Variants in FBN3 observed in about 807,000 individuals in gnomAD.
The protein encoded by FBN3 is fibrillin-3.
In FBN3, 234 loss-of-function variants were observed where a neutral mutation model predicts 330.1. That is an observed-to-expected ratio of 0.71 (90% CI 0.64 to 0.79). FBN3 has a LOEUF of 0.79. Ranked by LOEUF, FBN3 falls within the 30% of genes least tolerant of loss-of-function variation. The probability of loss-of-function intolerance (pLI) is 0.00; values close to 1 mark genes in which losing one functional copy is unlikely to be tolerated. For synonymous variants in FBN3, 1,458 were observed against 1,517.3 expected (o/e 0.96, Z 0.91); for missense variants, 3,606 against 3,886.9 (o/e 0.93, Z 1.92).
At chr19:8,107,599 A>G (rs902590067) in intron 37 of FBN3, among the ~76,000 whole-genome samples, 8 of 145,880 alleles carry the variant, frequency 5.5e-5, no homozygotes, top group Non-Finnish European at 1.1e-4. Flanking sequence ...ATGAATGGAC[A>G]GAAAGATGGG....
At chr19:8,128,397 C>G (rs1405916082) in intron 18 of FBN3, among the ~76,000 whole-genome samples, 4 of 152,064 alleles carry the variant, frequency 2.6e-5, no homozygotes, top group African/African-American at 7.2e-5. Flanking sequence ...AACCCTGTCT[C>G]TACTAAAAAT....
chr19:8,097,139 A>C, intron 42 of FBN3, 133 bp from the exon 43 acceptor site: 1 of 1,469,156 alleles, frequency 6.8e-7, no homozygotes, highest in Non-Finnish European at 9.2e-7. Context: ...AAGGGTGGTT[A>C]TATGAGATGG....
At chr19:8,122,919 T>C (rs1599394363) in intron 24 of FBN3, among the ~76,000 whole-genome samples, 2 of 151,630 alleles carry the variant, frequency 1.3e-5, no homozygotes, top group South Asian at 4.2e-4. Flanking sequence ...CGCCTCAGCC[T>C]CCCAAAGTGC....
chr19:8,096,762 TCCCCCAC>T lies in FBN3; in HGVS notation c.5413+112_5413+118del. The T allele has an allele frequency of 2.3e-6, 3 of 1,331,440 alleles. No individual in the cohort carries two copies. The highest frequency in any genetic ancestry group is 3.1e-6 in the Non-Finnish European group (3 of 967,066). The allele number at this position is 1,331,440 out of a possible 1,614,324, so 82.5% of individuals were successfully genotyped here. On this transcript the variant is annotated intron_variant, in intron 43 of 63. Coordinates refer to ENST00000600128, the MANE Select transcript of FBN3 (RefSeq NM_032447.5). The surrounding 1 kb of genome is among the most constrained non-coding windows in gnomAD (Gnocchi z 4.6). Reference sequence around the variant, plus strand: ...CCTATTAACAGACACTCTCAATACATCCCCCACCCCCCTAATAGTATAGAAAAGGAGA... The same window carrying T: ...CCTATTAACAGACACTCTCAATACATCCCCCTAATAGTATAGAAAAGGAGA...
chr19:8,106,311 G>C (rs997098988), intron 37 of FBN3, 78 bp from the exon 38 acceptor site: 4 of 1,516,272 alleles, frequency 2.6e-6, no homozygotes, highest in African/African-American at 1.4e-5. Flanking sequence ...CCATGCTCTG[G>C]GTTCTCCAGG....
chr19:8,148,108 G>A (rs1694338224), intron 1 of FBN3, among the ~76,000 whole-genome samples: 1 of 151,924 alleles, frequency 6.6e-6, no homozygotes, highest in South Asian at 2.1e-4. Context: ...GTCGTGGAAG[G>A]CAACAACCCC....
chr19:8,136,465 C>T lies in FBN3; in HGVS notation c.1268G>A (p.Arg423His), dbSNP rs745839443. Residue 423 changes from arginine to histidine, a missense_variant, in exon 11 of 64, where the codon CGC (arginine) becomes CAC (histidine). Arg to His is a conservative substitution (Grantham distance 29). Coordinates refer to ENST00000600128, the MANE Select transcript of FBN3 (RefSeq NM_032447.5). ...GTAGCTGGAAGGCGTGGGCAGGCAG[C>T]GGCCATTCAGACACAGGTTGGTGAA... The part of the protein sequence containing the change: ...RHFTNLCLNG[R>H]CLPTPSSYRC... The T allele has an allele frequency of 5.0e-6, 8 of 1,614,056 alleles. No homozygotes were observed. The African/African-American group carries it at 8.0e-5, about 16-fold the overall frequency.
intron 53 of FBN3, among the ~76,000 whole-genome samples, chr19:8,087,598 ATTTTTTTTTTTTT>A (rs35631767): frequency 3.7e-4 from 28 of 75,464 alleles, no homozygotes; most frequent in Admixed American, 1.2e-3. Flanking sequence ...GCATTGCAGG[ATTTTTTTTTTTTT>A]TTTTTTTTTT....
chr19:8,115,602 G>A lies in FBN3; in HGVS notation c.3751C>T (p.His1251Tyr), dbSNP rs149073155. 285 of 1,614,098 alleles carry A rather than the reference G, an allele frequency of 1.8e-4. No homozygotes were observed. The African/African-American group carries it at 3.6e-3, about 21-fold the overall frequency. ...CCCTTCGTGTTCTCGCAGTCCCCAT[G>A]GAGGCAGATGTGAGGGTTCAGGTCA... Reference protein sequence around the residue: ...ECDLNPHICLHGDCENTKGSF... With the variant: ...ECDLNPHICLYGDCENTKGSF... The change falls in exon 30 of 64, where the codon CAT (histidine) becomes TAT (tyrosine). Residue 1251 changes from histidine to tyrosine, a missense_variant. Coordinates refer to ENST00000600128, the MANE Select transcript of FBN3 (RefSeq NM_032447.5).
Position 8,126,694 on chromosome 19 carries a change from G to T in FBN3, c.2416+19C>A. The T allele has an allele frequency of 6.3e-7, 1 of 1,580,952 alleles. No individual in the cohort carries two copies. ...GACGCCCAGCCTCTGGAACGCCGTCGGGCTCCGGGGCCGCTCACCTAGACA... is the reference window on the plus strand; with the variant it reads ...GACGCCCAGCCTCTGGAACGCCGTCTGGCTCCGGGGCCGCTCACCTAGACA... On this transcript the variant is annotated intron_variant, in intron 19 of 63. Coordinates refer to ENST00000600128, the MANE Select transcript of FBN3 (RefSeq NM_032447.5).
chr19:8,112,455 G>A (rs2082611015), intron 30 of FBN3, among the ~76,000 whole-genome samples: 1 of 150,760 alleles, frequency 6.6e-6, no homozygotes. Flanking sequence ...GACCATCCTG[G>A]CTAATGCGGT....
Position 8,109,248 on chromosome 19 carries a change from G to A in FBN3, c.4597C>T (p.Leu1533=), listed in dbSNP as rs752190419. 3.1e-6 allele frequency: 5 copies of A among 1,614,126 alleles called. No homozygotes were observed. Among genetic ancestry groups the A allele is most frequent in the Non-Finnish European group, 4.2e-6 (5 of 1,180,018 alleles). ...LGRAWGNPCE[L]CPMANTTEYR... ...TCACTGGTGTTGGCCATAGGGCACA[G>A]CTCACAGGGATTGCCCCAAGCCCGG... The change falls in exon 36 of 64, where the codon CTG becomes TTG. Residue 1533 remains leucine (L), a synonymous_variant. Transcript: ENST00000600128. This position sits in a 1 kb window ranked among gnomAD's most constrained non-coding sequence, Gnocchi z 5.2.
At chr19:8,120,318 C>T (rs915190476) in intron 25 of FBN3, among the ~76,000 whole-genome samples, 4 of 151,360 alleles carry the variant, frequency 2.6e-5, no homozygotes, top group South Asian at 2.1e-4. Context: ...TACAGGTGCA[C>T]GCCACCACAC....
At chr19:8,135,936 G>GGGGGGGGGGGGGGGGCGCCCCCCC in intron 13 of FBN3, 25 bp downstream of exon 13, 4 of 668,774 alleles carry the variant, frequency 6.0e-6, no homozygotes, top group Non-Finnish European at 7.2e-6. Flanking sequence ...GGAAGCCCCT[G>GGGGGGGGGGGGGGGGCGCCCCCCC]CCCACCCGCC....
chr19:8,136,949 C>G (rs2083297680), intron 10 of FBN3, among the ~76,000 whole-genome samples: 1 of 110,780 alleles, frequency 9.0e-6, no homozygotes, highest in Non-Finnish European at 1.9e-5. Flanking sequence ...AACCTGGGGT[C>G]TAGATACCTC....
At chr19:8,082,308 C>CCGCT (rs1555726859) in intron 57 of FBN3, among the ~76,000 whole-genome samples, 1 of 150,266 alleles carries the variant, frequency 6.7e-6, no homozygotes, top group Non-Finnish European at 1.5e-5. Flanking sequence ...TCTCTTTCTC[C>CCGCT]CTTTCTCTTT....
chr19:8,140,169 T>G (rs1367580135), intron 8 of FBN3, among the ~76,000 whole-genome samples: 1 of 152,092 alleles, frequency 6.6e-6, no homozygotes, highest in Non-Finnish European at 1.5e-5. Flanking sequence ...AATATAAGAA[T>G]TTCAACAAAA....
chr19:8,075,272 C>T lies in FBN3; in HGVS notation c.7582+11G>A, dbSNP rs200805247. 314 of 1,606,460 alleles carry T rather than the reference C, an allele frequency of 2.0e-4. No homozygotes were observed. The highest frequency in any genetic ancestry group is 2.4e-4 in the Non-Finnish European group (281 of 1,174,700). ...CCCAAACACTAGACCCCAGCCAAAG[C>T]TGGGCTGTACCTTCACAGCCATGGC... On this transcript the variant is annotated intron_variant, in intron 60 of 63. Coordinates refer to ENST00000600128, the MANE Select transcript of FBN3 (RefSeq NM_032447.5).
At chr19:8,101,279 G>A (rs540068124) in intron 40 of FBN3, among the ~76,000 whole-genome samples, 5 of 151,908 alleles carry the variant, frequency 3.3e-5, no homozygotes, top group Non-Finnish European at 5.9e-5. Context: ...CGTGAGCCAC[G>A]ACGTCTGGTT....
Sources: allele counts gnomAD v4.1 joint callset (sites outside exome capture counted in the v4.1 genomes callset), GRCh38; gene constraint gnomAD v4.1.1; non-coding constraint Gnocchi (gnomAD v3.1); transcripts MANE v1.5; gene names NCBI Gene and HGNC (gene_info 2026-07-23, HGNC 2026-07-21).